Variants in COQ8B observed in about 807,000 individuals in gnomAD.
The protein encoded by COQ8B is coenzyme Q8B, also known as atypical kinase COQ8B, mitochondrial.
COQ8B carries 44 observed loss-of-function variants against 62.0 expected under a neutral mutation model. The ratio of observed to expected loss-of-function variants is 0.71; its 90% CI spans 0.56 to 0.91. The LOEUF (loss-of-function observed/expected upper bound fraction) is 0.91, where lower values mean the gene tolerates loss of function less well. Among genes scored for constraint, COQ8B ranks in the 40% least tolerant of loss-of-function variants. The pLI, the probability that COQ8B is intolerant of heterozygous loss-of-function variation, is 0.00. For missense variants in COQ8B, 649 were observed against 731.6 expected, an observed-to-expected ratio of 0.89 and a Z score of 1.30; for synonymous variants, 252 against 289.9, an observed-to-expected ratio of 0.87 and a Z score of 1.33.
intron 13 of COQ8B, among the ~76,000 whole-genome samples, chr19:40,693,975 T>A (rs376556153): frequency 3.9e-5 from 6 of 152,242 alleles, no homozygotes; most frequent in African/African-American, 1.4e-4. Flanking sequence ...TGTCTGGCCA[T>A]CTGTCAGGCC....
chr19:40,692,172 C>T lies in COQ8B; in HGVS notation c.1498G>A (p.Ala500Thr), dbSNP rs1415301450. ...CAGGCGATGTGGGCTCGGAGGTGGG[C>T]ACAGGCCAGGAAAGCCCCTGCCAGC... The part of the protein sequence containing the change: ...RKLAGAFLAC[A>T]HLRAHIACRD... The change falls in exon 15 of 15, where the codon GCC (alanine) becomes ACC (threonine). Residue 500 changes from alanine to threonine, a missense_variant. Coordinates refer to ENST00000324464, the MANE Select transcript of COQ8B (RefSeq NM_024876.4). The T allele has an allele frequency of 1.9e-6, 3 of 1,596,424 alleles. No individual in the cohort carries two copies. The highest frequency in any genetic ancestry group is 2.6e-6 in the Non-Finnish European group (3 of 1,171,474).
intron 5 of COQ8B, among the ~76,000 whole-genome samples, 166 bp from the exon 6 acceptor site, chr19:40,705,613 A>AT (rs1317619558): frequency 2.0e-5 from 3 of 152,226 alleles, no homozygotes; most frequent in East Asian, 1.9e-4. Flanking sequence ...TATTAAAAAA[A>AT]ATATATATCA....
chr19:40,705,455 G>A lies in COQ8B; in HGVS notation c.368-8C>T. The A allele has an allele frequency of 6.5e-7, 1 of 1,545,044 alleles. No individual in the cohort carries two copies. The highest frequency in any genetic ancestry group is 8.7e-7 in the Non-Finnish European group (1 of 1,142,868). ...CCAGCCCAGAACCACCCTCTGGGGA[G>A]AGAACAACCATTAGAATTATAACCA... On this transcript the variant is annotated splice_polypyrimidine_tract_variant and splice_region_variant and intron_variant, in intron 5 of 14. Transcript: ENST00000324464.
At position 40,702,683 on chromosome 19, in the gene COQ8B, G is replaced by A. The variant is rs748826247; in HGVS notation, c.810C>T (p.Ala270=). 1.1e-5 allele frequency: 17 copies of A among 1,608,380 alleles called. No homozygotes were observed. Among genetic ancestry groups the A allele is most frequent in the East Asian group, 8.9e-5 (4 of 44,884 alleles). ...GCTGCAAGGCCTGCAGGCTCTGCTC[G>A]GCAAACAGGCCTGTGGGGGAGGTGT... is the stretch of plus-strand genomic sequence containing the variant. ...MSAALPAGLF[A]EQSLQALQQE... The change falls in exon 10 of 15, where the codon GCC becomes GCT. Residue 270 remains alanine, a synonymous_variant. Transcript: ENST00000324464.
rs961552641 is a variant in COQ8B at position 40,692,038 on chromosome 19, T to TCC, written c.1631_1632insGG (p.Ter545AspfsTer?). On this transcript the variant is annotated frameshift_variant, in exon 15 of 15. Transcript: ENST00000324464. LOFTEE classifies it high-confidence loss of function. ...ACTGAATCCCCCATGGAGGCTGTCA[T>TCC]GAGGGATCCACCCAGGAGTCCCCTT... is the stretch of plus-strand genomic sequence containing the variant. 1.3e-6 allele frequency: 2 copies of TCC among 1,598,700 alleles called. No homozygotes were observed. Among genetic ancestry groups the TCC allele is most frequent in the African/African-American group, 2.7e-5 (2 of 74,648 alleles).
intron 13 of COQ8B, 44 bp from the exon 14 acceptor site, chr19:40,693,081 A>C: frequency 1.6e-5 from 25 of 1,557,358 alleles, no homozygotes; most frequent in South Asian, 2.2e-5. Flanking sequence ...GCCGGGGCTC[A>C]AGGGGGCTCT....
chr19:40,716,424 G>A (rs1395980011), intron 1 of COQ8B, among the ~76,000 whole-genome samples, 163 bp downstream of exon 1: 1 of 152,208 alleles, frequency 6.6e-6, no homozygotes, highest in African/African-American at 2.4e-5. Context: ...AGATAGCCCC[G>A]TAGCTGCAAG....
chr19:40,705,325 C>T lies in COQ8B; in HGVS notation c.490G>A (p.Asp164Asn), dbSNP rs767542746. 5.0e-6 allele frequency: 8 copies of T among 1,590,720 alleles called. No individual in the cohort carries two copies. The African/African-American group carries it at 6.7e-5, about 13-fold the overall frequency. The change falls in exon 6 of 15, where the codon GAC (aspartate) becomes AAC (asparagine). Residue 164 changes from aspartate to asparagine, a missense_variant and splice_region_variant. Coordinates refer to ENST00000324464, the MANE Select transcript of COQ8B (RefSeq NM_024876.4). ...TCAGGAGTCGAGGGTCATGCTGTAC[C>T]CTGGATGCTGAGCATCTGGCCAACC... ...LKVGQMLSIQ[D>N]NSFISPQLQH...
chr19:40,714,832 C>T (rs2082172531), intron 1 of COQ8B, 197 bp from the exon 2 acceptor site: 3 of 1,352,314 alleles, frequency 2.2e-6, no homozygotes, highest in Non-Finnish European at 2.8e-6. Flanking sequence ...CTCCCAAAAC[C>T]CACTTTCCCC....
Position 40,703,706 on chromosome 19 carries a change from C to T in COQ8B, c.717+9G>A. The T allele has an allele frequency of 6.2e-7, 1 of 1,614,096 alleles. No homozygotes were observed. The highest frequency in any genetic ancestry group is 1.3e-5 in the African/African-American group (1 of 75,034). The stretch of plus-strand genomic sequence containing the variant: ...GCCCGCCCCTACCCTGCCCAGCCTC[C>T]CCTCTCACCTGGATCTTCACGGCCA... On this transcript the variant is annotated intron_variant, in intron 8 of 14. Transcript: ENST00000324464.
rs751013949 is a variant in COQ8B at position 40,703,705 on chromosome 19, C to T, written c.717+10G>A. 1.2e-6 allele frequency: 2 copies of T among 1,614,124 alleles called. No homozygotes were observed. Among genetic ancestry groups the T allele is most frequent in the Non-Finnish European group, 8.5e-7 (1 of 1,180,024 alleles). On this transcript the variant is annotated intron_variant, in intron 8 of 14. Coordinates refer to ENST00000324464, the MANE Select transcript of COQ8B (RefSeq NM_024876.4). ...TGCCCGCCCCTACCCTGCCCAGCCTCCCCTCTCACCTGGATCTTCACGGCC... is the reference window on the plus strand; with the variant it reads ...TGCCCGCCCCTACCCTGCCCAGCCTTCCCTCTCACCTGGATCTTCACGGCC...
chr19:40,697,874 A>AGAGAGAGAGAGAGAGAGAGAGAGAGG (rs202234463), intron 12 of COQ8B, among the ~76,000 whole-genome samples: 1 of 96,974 alleles, frequency 1.0e-5, no homozygotes, highest in African/African-American at 3.7e-5. Context: ...AGAGAGAGAG[A>AGAGAGAGAGAGAGAGAGAGAGAGAGG]GAGTTTCTAC....
At chr19:40,696,142 C>G in intron 12 of COQ8B, 88 bp from the exon 13 acceptor site, 1 of 1,425,564 alleles carries the variant, frequency 7.0e-7, no homozygotes, top group Non-Finnish European at 9.9e-7. Flanking sequence ...TCTCCCTCCC[C>G]ATGACCCTGC....
Position 40,692,999 on chromosome 19 carries a change from GAC to G in COQ8B, c.1246_1247del (p.Val416ProfsTer14), listed in dbSNP as rs779640413. ...ATTTGAGGTCCCTGGACTTCTGCAG[GAC>G]ACAGTCTCTGTCTCCATCAGCTGCA... The part of the protein sequence containing the change: ...KAAADGDRDC[V>X]LQKSRDLKFL... On this transcript the variant is annotated frameshift_variant, in exon 14 of 15. Transcript: ENST00000324464. LOFTEE classifies it low-confidence loss of function (END_TRUNC). 3 of 1,613,880 alleles carry G rather than the reference GAC, an allele frequency of 1.9e-6. No homozygotes were observed. The highest frequency in any genetic ancestry group is 1.7e-5 in the Admixed American group (1 of 59,980).
In COQ8B at chr19:40,703,717, G is replaced by C; in HGVS notation, c.715C>G (p.Gln239Glu). 6.2e-7 allele frequency: 1 copy of C among 1,614,094 alleles called. No individual in the cohort carries two copies. Among genetic ancestry groups the C allele is most frequent in the South Asian group, 1.1e-5 (1 of 91,084 alleles). ...RDGTEVAVKI[Q>E]YPGIAQSIQS... ...CCCTGCCCAGCCTCCCCTCTCACCT[G>C]GATCTTCACGGCCACCTCCGTCCCG... Residue 239 changes from glutamine to glutamate, a missense_variant and splice_region_variant, in exon 8 of 15, where the codon CAG becomes GAG. Transcript: ENST00000324464.
intron 12 of COQ8B, among the ~76,000 whole-genome samples, chr19:40,698,933 G>A (rs1299240712): frequency 6.6e-6 from 1 of 151,606 alleles, no homozygotes; most frequent in East Asian, 1.9e-4. Context: ...TACACCCCCT[G>A]CCCTCTGCTG....
rs755924317 is a variant in COQ8B at position 40,703,730 on chromosome 19, C to T, written c.702G>A (p.Val234=). ...HQGLLRDGTE[V]AVKIQYPGIA... The stretch of plus-strand genomic sequence containing the variant: ...CCCCTCTCACCTGGATCTTCACGGC[C>T]ACCTCCGTCCCGTCCCTCAGCAGGC... Residue 234 remains valine, a synonymous_variant, in exon 8 of 15, where the codon GTG becomes GTA. Coordinates refer to ENST00000324464, the MANE Select transcript of COQ8B (RefSeq NM_024876.4). The T allele has an allele frequency of 5.6e-6, 9 of 1,614,112 alleles. No homozygotes were observed. In the Admixed American group the frequency reaches 1.3e-4, roughly 24 times the overall value.
chr19:40,716,109 C>T (rs1353847057), intron 1 of COQ8B: 1 of 152,322 alleles, frequency 6.6e-6, no homozygotes, highest in East Asian at 1.9e-4. Flanking sequence ...CTGGACTTCT[C>T]CTTCCCAACC....
Position 40,703,751 on chromosome 19 carries a change from C to A in COQ8B, c.681G>T (p.Leu227=), listed in dbSNP as rs1355888966. Reference sequence around the variant, plus strand: ...CGGCCACCTCCGTCCCGTCCCTCAGCAGGCCCTGGTGCACCTGCCCAATTG... The same window carrying A: ...CGGCCACCTCCGTCCCGTCCCTCAGAAGGCCCTGGTGCACCTGCCCAATTG... ...AASIGQVHQG[L]LRDGTEVAVK... is the part of the protein sequence containing the mutation. Residue 227 remains leucine (L), a synonymous_variant, in exon 8 of 15, where the codon CTG becomes CTT. Transcript: ENST00000324464. 2 of 1,613,986 alleles carry A rather than the reference C, an allele frequency of 1.2e-6. No homozygotes were observed. The highest frequency in any genetic ancestry group is 3.3e-5 in the Admixed American group (2 of 59,998).
Sources: gnomAD v4.1 joint callset for allele counts (sites outside exome capture counted in the v4.1 genomes callset) on GRCh38, gnomAD v4.1.1 for gene constraint, MANE v1.5 for transcripts, NCBI Gene and HGNC (gene_info 2026-07-23, HGNC 2026-07-21) for gene names.